ETFA: variants seen among roughly 807,000 people sequenced by gnomAD.
ETFA encodes the protein electron transfer flavoprotein subunit alpha, mitochondrial.
ETFA carries 22 observed loss-of-function variants against 46.2 expected under a neutral mutation model. The observed-to-expected ratio is 0.48, with a 90% CI of 0.34 to 0.68. The LOEUF (loss-of-function observed/expected upper bound fraction) is 0.68, where lower values mean the gene tolerates loss of function less well. ETFA is among the 30% of genes least tolerant of loss of function. The pLI is 0.01. For synonymous variants in ETFA, 131 were observed against 139.9 expected, an observed-to-expected ratio of 0.94 and a Z score of 0.45; for missense variants, 345 against 401.1, an observed-to-expected ratio of 0.86 and a Z score of 1.19.
At chr15:76,311,242 G>C (rs2039994675) in intron 1 of ETFA, 108 bp downstream of exon 1, 1 of 1,323,094 alleles carries the variant, frequency 7.6e-7, no homozygotes, top group African/African-American at 1.5e-5. Flanking sequence ...GCCTGCGGGC[G>C]CGAGGGCTGG....
At chr15:76,307,124 T>C (rs535496665) in intron 1 of ETFA, among the ~76,000 whole-genome samples, 1 of 152,168 alleles carries the variant, frequency 6.6e-6, no homozygotes, top group Non-Finnish European at 1.5e-5. Context: ...AATTGTTGTT[T>C]CACTCACCAC....
chr15:76,306,800 T>G (rs538641007), intron 1 of ETFA, among the ~76,000 whole-genome samples: 2 of 152,328 alleles, frequency 1.3e-5, no homozygotes, highest in Non-Finnish European at 2.9e-5. Flanking sequence ...ACTGTAATAC[T>G]AAAAACACAG....
chr15:76,286,545 A>T, intron 5 of ETFA, 64 bp from the exon 6 acceptor site: 1 of 960,112 alleles, frequency 1.0e-6, no homozygotes, highest in Non-Finnish European at 1.7e-6. Flanking sequence ...CACTCCTTTG[A>T]TGCTTGGAAT....
chr15:76,252,017 C>T (rs2039303530), intron 9 of ETFA, among the ~76,000 whole-genome samples: 1 of 152,158 alleles, frequency 6.6e-6, no homozygotes, highest in Non-Finnish European at 1.5e-5. Context: ...AATGATACTT[C>T]CCATGTGCCA....
Position 76,216,509 on chromosome 15 carries a change from T to G in ETFA, c.*50A>C. 6 of 1,031,542 alleles carry G rather than the reference T, an allele frequency of 5.8e-6. No homozygotes were observed. Among genetic ancestry groups the G allele is most frequent in the Non-Finnish European group, 7.7e-6 (5 of 650,472 alleles). The allele number at this position is 1,031,542 out of a possible 1,614,324, so 63.9% of individuals were successfully genotyped here. A position where few individuals can be genotyped will look rare whatever the true frequency, so the allele number is the denominator to read the frequency against. On this transcript the variant is annotated 3_prime_UTR_variant, in exon 12 of 12. Transcript: ENST00000557943. Reference sequence around the variant, plus strand: ...TATAATACCCACAAATATCTGTGATTTCAGTGGAATACTTTAACAAAAGTT... The same window carrying G: ...TATAATACCCACAAATATCTGTGATGTCAGTGGAATACTTTAACAAAAGTT...
At chr15:76,260,400 A>G in intron 9 of ETFA, 2 of 1,579,720 alleles carry the variant, frequency 1.3e-6, no homozygotes, top group South Asian at 2.2e-5. Flanking sequence ...GGCCGTTAGC[A>G]CACCAAGGAC....
intron 7 of ETFA, chr15:76,284,838 G>A (rs1376064978): frequency 6.0e-6 from 2 of 331,160 alleles, no homozygotes; most frequent in Non-Finnish European, 1.2e-5. Context: ...GCTGAGGCAG[G>A]AGAATCGCTT....
chr15:76,290,608 G>C (rs538020639), intron 4 of ETFA, among the ~76,000 whole-genome samples: 1 of 151,888 alleles, frequency 6.6e-6, no homozygotes, highest in East Asian at 1.9e-4. Flanking sequence ...AAAGTGCTGG[G>C]ATTACAGGCG....
intron 1 of ETFA, among the ~76,000 whole-genome samples, chr15:76,306,924 A>T (rs1391587773): frequency 6.6e-6 from 1 of 151,810 alleles, no homozygotes; most frequent in East Asian, 1.9e-4. Flanking sequence ...TCACACCAAA[A>T]TTGGCTCTCT....
chr15:76,264,506 T>C (rs2039450935), intron 9 of ETFA, among the ~76,000 whole-genome samples: 1 of 152,234 alleles, frequency 6.6e-6, no homozygotes, highest in Non-Finnish European at 1.5e-5. Context: ...TTCTTTCAGT[T>C]GTCTGACAAG....
At chr15:76,303,826 A>G (rs2039907152) in intron 1 of ETFA, among the ~76,000 whole-genome samples, 1 of 152,244 alleles carries the variant, frequency 6.6e-6, no homozygotes, top group Non-Finnish European at 1.5e-5. Flanking sequence ...AGAGAAAAGG[A>G]ACGCTTATAT....
intron 1 of ETFA, among the ~76,000 whole-genome samples, chr15:76,307,103 A>G (rs75355537): frequency 6.6e-6 from 1 of 152,202 alleles, no homozygotes; most frequent in South Asian, 2.1e-4. Context: ...AGAGTACTCA[A>G]ATGACCTTGA....
chr15:76,247,137 T>C (rs1229101111), intron 9 of ETFA, among the ~76,000 whole-genome samples: 1 of 152,222 alleles, frequency 6.6e-6, no homozygotes, highest in Admixed American at 6.5e-5. Context: ...TTGAAGAATT[T>C]TCGCTATCTG....
intron 1 of ETFA, among the ~76,000 whole-genome samples, chr15:76,300,545 A>C (rs1443905455): frequency 2.6e-5 from 4 of 151,824 alleles, no homozygotes; most frequent in Non-Finnish European, 5.9e-5. Context: ...CTCCTCTATT[A>C]CCCCACAGAG....
At chr15:76,268,037 G>A (rs2039490019) in intron 9 of ETFA, among the ~76,000 whole-genome samples, 1 of 152,078 alleles carries the variant, frequency 6.6e-6, no homozygotes, top group South Asian at 2.1e-4. Flanking sequence ...GCACAAGAAG[G>A]ATAAGCCTCG....
intron 8 of ETFA, among the ~76,000 whole-genome samples, chr15:76,281,457 G>A (rs769018565): frequency 1.7e-4 from 25 of 146,396 alleles, no homozygotes; most frequent in Non-Finnish European, 1.0e-4. Flanking sequence ...ACAGAGTCTC[G>A]CCCTGTTGCC....
intron 9 of ETFA, among the ~76,000 whole-genome samples, chr15:76,257,681 G>A (rs1359831606): frequency 1.3e-5 from 2 of 151,932 alleles, no homozygotes; most frequent in East Asian, 3.9e-4. Context: ...TATACCCAAA[G>A]GACTATAAAT....
intron 9 of ETFA, among the ~76,000 whole-genome samples, chr15:76,269,135 AG>A (rs1171988910): frequency 6.6e-6 from 1 of 152,182 alleles, no homozygotes; most frequent in Non-Finnish European, 1.5e-5. Context: ...GTCTCCTTTT[AG>A]TCTGCAGATG....
intron 9 of ETFA, among the ~76,000 whole-genome samples, chr15:76,268,214 C>T (rs1050574874): frequency 6.8e-6 from 1 of 146,786 alleles, no homozygotes; most frequent in Non-Finnish European, 1.5e-5. Flanking sequence ...AAAGCCTTTG[C>T]TTCTGTTTCA....
Sources: gnomAD v4.1 joint callset for allele counts (sites outside exome capture counted in the v4.1 genomes callset) on GRCh38, gnomAD v4.1.1 for gene constraint, MANE v1.5 for transcripts, NCBI Gene and HGNC (gene_info 2026-07-23, HGNC 2026-07-21) for gene names.